The following NFATC1 variants were observed in gnomAD, a reference collection of about 807,000 sequenced individuals.
NFATC1 encodes the protein nuclear factor of activated T-cells, cytoplasmic 1.
In NFATC1, 22 loss-of-function variants were observed where a neutral mutation model predicts 76.0. The ratio of observed to expected loss-of-function variants is 0.29; its 90% CI spans 0.21 to 0.41. The LOEUF is 0.41. NFATC1 is among the 10% of genes least tolerant of loss of function. The pLI, the probability that NFATC1 is intolerant of heterozygous loss-of-function variation, is 1.00. For missense variants in NFATC1, 1,357 were observed against 1,337.7 expected, an observed-to-expected ratio of 1.01 and a Z score of -0.23; for synonymous variants, 704 against 613.1, an observed-to-expected ratio of 1.15 and a Z score of -2.19.
At chr18:79,517,278 C>T (rs537837539) in intron 9 of NFATC1, among the ~76,000 whole-genome samples, 2 of 152,332 alleles carry the variant, frequency 1.3e-5, no homozygotes, top group East Asian at 3.8e-4. Context: ...TTAGCAAATA[C>T]TTTTTATAAT....
intron 9 of NFATC1, among the ~76,000 whole-genome samples, chr18:79,508,661 G>C (rs1376275344): frequency 6.6e-6 from 1 of 151,442 alleles, no homozygotes; most frequent in Non-Finnish European, 1.5e-5. Flanking sequence ...TTCTCAGTCT[G>C]TCTCTCTGTC....
At position 79,525,508 on chromosome 18, in the gene NFATC1, G is replaced by A. The variant is rs112228781; in HGVS notation, c.2783-2020G>A. 3.7e-4 allele frequency among the ~76,000 whole-genome samples: 49 copies of A among 133,770 alleles called. No homozygotes were observed. In the East Asian group the frequency reaches 3.8e-3, roughly 10 times the overall value. The allele number at this position is 133,770 out of a possible 152,430, so 87.8% of individuals were successfully genotyped here. ...CCCTCAGGCCTCCCCACGTCCCACC[G>A]TCGTTACCCCTCAGTCCTCCCCACG... On this transcript the variant is annotated intron_variant, in intron 9 of 9. Coordinates refer to ENST00000427363, the MANE Select transcript of NFATC1 (RefSeq NM_001278669.2).
intron 2 of NFATC1, among the ~76,000 whole-genome samples, chr18:79,415,444 G>A (rs113336061): frequency 2.0e-5 from 3 of 151,492 alleles, no homozygotes; most frequent in African/African-American, 7.3e-5. Context: ...CACCGCGCCC[G>A]GCTATTTTTT....
chr18:79,400,337 C>T (rs1389732485), intron 1 of NFATC1: 2 of 1,376,296 alleles, frequency 1.5e-6, no homozygotes, highest in Non-Finnish European at 9.4e-7. Flanking sequence ...CCGGGAGAAC[C>T]GAACCCCTGG....
chr18:79,427,179 T>G (rs2086371359), intron 2 of NFATC1, among the ~76,000 whole-genome samples: 1 of 152,224 alleles, frequency 6.6e-6, no homozygotes, highest in African/African-American at 2.4e-5. Context: ...CTCTGTGCCA[T>G]GCCGTGACGT....
intron 2 of NFATC1, among the ~76,000 whole-genome samples, chr18:79,429,421 CTT>C (rs1035835254): frequency 2.6e-5 from 4 of 151,640 alleles, no homozygotes; most frequent in African/African-American, 9.7e-5. Context: ...AAAAAATTGA[CTT>C]ATGTTGAAGA....
In NFATC1 at chr18:79,396,279, G is replaced by T; in HGVS notation, c.55G>T (p.Ala19Ser). Residue 19 changes from alanine to serine, a missense_variant, in exon 1 of 10, where the codon GCG becomes TCG. Ala to Ser is a moderately conservative substitution (Grantham distance 99, BLOSUM62 1). Around this residue, in one of 3 missense-constraint regions of NFATC1, gnomAD observed 691 missense variants for 613.1 expected, o/e 1.13. Transcript: ENST00000427363. Reference protein sequence around the residue: ...PSKFPLGPAAAVFGRGETLGP... With the variant: ...PSKFPLGPAASVFGRGETLGP... ...CAAGTTTCCACTTGGCCCTGCGGCT[G>T]CGGTCTTCGGGAGAGGAGAAACTTT... 2.0e-6 allele frequency: 3 copies of T among 1,473,274 alleles called. No homozygotes were observed. The South Asian group carries it at 3.8e-5, about 19-fold the overall frequency. 91.3% of individuals were successfully genotyped at this position (1,473,274 alleles called of 1,614,324 possible). A position where few individuals can be genotyped will look rare whatever the true frequency, so the allele number is the denominator to read the frequency against.
At chr18:79,400,603 A>G (rs1279446297) in intron 1 of NFATC1, 46 of 807,748 alleles carry the variant, frequency 5.7e-5, no homozygotes, top group African/African-American at 3.5e-4. Flanking sequence ...CCCGGGACCG[A>G]GGGGCTACGG....
At chr18:79,500,264 A>G (rs557864503) in intron 9 of NFATC1, among the ~76,000 whole-genome samples, 3 of 152,328 alleles carry the variant, frequency 2.0e-5, no homozygotes, top group African/African-American at 7.2e-5. Flanking sequence ...AAATATTTGG[A>G]AACTAAACAA....
At position 79,465,259 on chromosome 18, in the gene NFATC1, T is replaced by C. The variant is rs1175256040; in HGVS notation, c.1960-2191T>C. On this transcript the variant is annotated intron_variant, in intron 7 of 9. Coordinates refer to ENST00000427363, the MANE Select transcript of NFATC1 (RefSeq NM_001278669.2). This position sits in a 1 kb window ranked among gnomAD's most constrained non-coding sequence, Gnocchi z 4.2. The stretch of plus-strand genomic sequence containing the variant: ...TCCCACGGAGATAGTATTTTTGTCA[T>C]ATAATTTGTCTATTTAGAGAGTTGA... Among the ~76,000 whole-genome samples, 1 of 152,206 alleles carries C rather than the reference T, an allele frequency of 6.6e-6. No homozygotes were observed. Among genetic ancestry groups the C allele is most frequent in the Non-Finnish European group, 1.5e-5 (1 of 68,034 alleles).
chr18:79,405,403 G>A (rs537632584), intron 1 of NFATC1, among the ~76,000 whole-genome samples: 24 of 152,328 alleles, frequency 1.6e-4, no homozygotes, highest in Non-Finnish European at 2.4e-4. Flanking sequence ...CAGCCCAAGC[G>A]CCTCAGAATC....
intron 1 of NFATC1, among the ~76,000 whole-genome samples, chr18:79,405,186 C>A (rs1049697897): frequency 1.3e-5 from 2 of 152,222 alleles, no homozygotes; most frequent in Non-Finnish European, 2.9e-5. Flanking sequence ...GAGGAGGTGG[C>A]ACTTTCAGCA....
chr18:79,503,536 C>T (rs544320988), intron 9 of NFATC1, among the ~76,000 whole-genome samples: 1 of 152,288 alleles, frequency 6.6e-6, no homozygotes, highest in South Asian at 2.1e-4. Flanking sequence ...AACAGAGGTG[C>T]CGTCATCCGG....
chr18:79,414,827 T>C lies in NFATC1; in HGVS notation c.1226+3326T>C, dbSNP rs528606409. 3.9e-5 allele frequency among the ~76,000 whole-genome samples: 6 copies of C among 152,306 alleles called. No individual in the cohort carries two copies. The South Asian group carries it at 1.0e-3, about 26-fold the overall frequency. On this transcript the variant is annotated intron_variant, in intron 2 of 9. Transcript: ENST00000427363. ...TAGCAAGTGGCCTCCCAGGGCACCT[T>C]TCCGTGTGCTGTTGAGGGTGCAACA...
intron 1 of NFATC1, among the ~76,000 whole-genome samples, chr18:79,402,135 C>A (rs555632628): frequency 1.3e-5 from 2 of 152,352 alleles, no homozygotes; most frequent in South Asian, 4.1e-4. Context: ...TGACTGTGCG[C>A]GACAGCAGCC....
rs749909486 is a variant in NFATC1 at position 79,516,971 on chromosome 18, C to G, written c.2783-10557C>G. On this transcript the variant is annotated intron_variant, in intron 9 of 9. Coordinates refer to ENST00000427363, the MANE Select transcript of NFATC1 (RefSeq NM_001278669.2). ...TGTGTATTCAGCAATTCAATGAAAC[C>G]ATAAAACAGTCAGTAAACACATCTA... Among the ~76,000 whole-genome samples, 28 of 152,238 alleles carry G rather than the reference C, an allele frequency of 1.8e-4. No individual in the cohort carries two copies. In the East Asian group the frequency reaches 1.9e-3, roughly 10 times the overall value.
At chr18:79,419,524 G>C (rs1329472099) in intron 2 of NFATC1, among the ~76,000 whole-genome samples, 2 of 144,946 alleles carry the variant, frequency 1.4e-5, no homozygotes, top group African/African-American at 5.1e-5. Context: ...AGCCCCCCTA[G>C]GAGGGCCGGC....
chr18:79,409,175 TCCATCATCAAA>T (rs912034570), intron 1 of NFATC1, among the ~76,000 whole-genome samples: 7 of 84,150 alleles, frequency 8.3e-5, no homozygotes, highest in Admixed American at 1.5e-4. Context: ...TCATCATCCA[TCCATCATCAAA>T]CCATTGTTCC....
At chr18:79,424,362 G>A (rs73007681) in intron 2 of NFATC1, among the ~76,000 whole-genome samples, 20,325 of 152,246 alleles carry the variant, frequency 0.13, 1,674 homozygotes, top group Non-Finnish European at 0.18. Flanking sequence ...GCTGGCCTCC[G>A]AGGAGCCTCT....
Sources: gnomAD v4.1 joint callset for allele counts (sites outside exome capture counted in the v4.1 genomes callset) on GRCh38, gnomAD v4.1.1 for gene constraint, gnomAD v4.1.1 regional missense constraint, Gnocchi (gnomAD v3.1) non-coding constraint, MANE v1.5 for transcripts, NCBI Gene and HGNC (gene_info 2026-07-23, HGNC 2026-07-21) for gene names.